Variants in SLC35F4 observed in about 807,000 individuals in gnomAD.
SLC35F4 encodes the protein chromosome 14 open reading frame 36.
In SLC35F4, 24 loss-of-function variants were observed where a neutral mutation model predicts 44.2. The observed-to-expected ratio is 0.54, with a 90% CI of 0.39 to 0.76. The LOEUF is 0.76. Ranked by LOEUF, SLC35F4 falls within the 30% of genes least tolerant of loss-of-function variation. The pLI, the probability that SLC35F4 is intolerant of heterozygous loss-of-function variation, is 0.00. For missense variants in SLC35F4, 562 were observed against 586.1 expected, an observed-to-expected ratio of 0.96 and a Z score of 0.42; for synonymous variants, 238 against 223.6, an observed-to-expected ratio of 1.06 and a Z score of -0.57.
intron 1 of SLC35F4, among the ~76,000 whole-genome samples, chr14:57,744,245 G>A (rs917671159): frequency 2.6e-5 from 4 of 152,170 alleles, no homozygotes; most frequent in Non-Finnish European, 5.9e-5. Flanking sequence ...GCAGGAGAAA[G>A]AAATAAAGGG....
intron 1 of SLC35F4, among the ~76,000 whole-genome samples, chr14:57,807,938 T>G (rs540530517): frequency 1.3e-5 from 2 of 151,908 alleles, no homozygotes; most frequent in East Asian, 3.9e-4. Context: ...ATGTTTTACA[T>G]GGTGGCAGGC....
At chr14:57,947,265 G>GGTTT (rs1463818058) in intron 1 of SLC35F4, among the ~76,000 whole-genome samples, 1 of 132,832 alleles carries the variant, frequency 7.5e-6, no homozygotes, top group African/African-American at 2.7e-5. Context: ...TTTTTTTTTT[G>GGTTT]GTTTGTTTGT....
chr14:57,775,185 C>T (rs1005165532), intron 1 of SLC35F4, among the ~76,000 whole-genome samples: 13 of 152,324 alleles, frequency 8.5e-5, no homozygotes, highest in Admixed American at 4.6e-4. Context: ...CAGTAGCAGG[C>T]GGGGATGCCA....
chr14:57,975,896 A>T (rs1291550525), downstream of SLC35F4, among the ~76,000 whole-genome samples: 1 of 152,232 alleles, frequency 6.6e-6, no homozygotes, highest in Non-Finnish European at 1.5e-5. Context: ...TCATTATCAT[A>T]CTGGTCAGCA....
intron 1 of SLC35F4, among the ~76,000 whole-genome samples, chr14:57,965,734 C>T (rs1890427317): frequency 6.6e-6 from 1 of 152,114 alleles, no homozygotes; most frequent in African/African-American, 2.4e-5. Flanking sequence ...CTAATGGGGA[C>T]CCAATGCTTA....
At chr14:57,633,065 T>C (rs1292272057) in intron 1 of SLC35F4, among the ~76,000 whole-genome samples, 5 of 152,162 alleles carry the variant, frequency 3.3e-5, no homozygotes, top group African/African-American at 1.2e-4. Context: ...CATAATCTGA[T>C]AGCTCATTTA....
At chr14:57,639,339 T>A (rs2073134771) in intron 1 of SLC35F4, among the ~76,000 whole-genome samples, 1 of 152,054 alleles carries the variant, frequency 6.6e-6, no homozygotes, top group African/African-American at 2.4e-5. Context: ...CATTTTCTCA[T>A]CTTCTTATAA....
chr14:57,576,189 T>G (rs1444376550), intron 4 of SLC35F4, among the ~76,000 whole-genome samples: 1 of 152,174 alleles, frequency 6.6e-6, no homozygotes, highest in Non-Finnish European at 1.5e-5. Context: ...GAACCTTTAG[T>G]TGCTTCTCTT....
intron 1 of SLC35F4, among the ~76,000 whole-genome samples, chr14:57,788,467 C>G (rs1315860960): frequency 6.6e-6 from 1 of 152,122 alleles, no homozygotes; most frequent in African/African-American, 2.4e-5. Context: ...AATACACATT[C>G]TATTAAACAG....
At chr14:57,599,801 T>TG (rs1170831351) in intron 1 of SLC35F4, among the ~76,000 whole-genome samples, 5 of 68,514 alleles carry the variant, frequency 7.3e-5, no homozygotes, top group South Asian at 4.7e-4. Flanking sequence ...GACTCTGTCT[T>TG]GAAAAAAAAA....
At chr14:57,664,321 A>C (rs2074236801) in intron 1 of SLC35F4, among the ~76,000 whole-genome samples, 1 of 152,140 alleles carries the variant, frequency 6.6e-6, no homozygotes, top group African/African-American at 2.4e-5. Flanking sequence ...TAGCATTGTT[A>C]TTTGTTACCA....
At chr14:57,931,849 T>C (rs1889703062) in intron 1 of SLC35F4, among the ~76,000 whole-genome samples, 1 of 152,192 alleles carries the variant, frequency 6.6e-6, no homozygotes, top group Non-Finnish European at 1.5e-5. Flanking sequence ...TAGTTCAAGC[T>C]TGGGATAACA....
At chr14:57,576,993 A>AAGAT (rs775832920) in intron 4 of SLC35F4, among the ~76,000 whole-genome samples, 16 of 152,140 alleles carry the variant, frequency 1.1e-4, no homozygotes, top group Non-Finnish European at 2.1e-4. Context: ...TTGTCCTGCC[A>AAGAT]AGATAGGGGT....
chr14:57,685,524 T>C (rs952337567), intron 1 of SLC35F4, among the ~76,000 whole-genome samples: 1 of 152,196 alleles, frequency 6.6e-6, no homozygotes, highest in African/African-American at 2.4e-5. Flanking sequence ...TATTACCTTT[T>C]TTCAGTTAAT....
chr14:57,797,067 C>T (rs1199646788), intron 1 of SLC35F4, among the ~76,000 whole-genome samples: 2 of 152,124 alleles, frequency 1.3e-5, no homozygotes, highest in African/African-American at 4.8e-5. Flanking sequence ...AGAAGCATGC[C>T]CCAAAATGCA....
intron 1 of SLC35F4, among the ~76,000 whole-genome samples, chr14:57,635,462 T>C (rs906046746): frequency 2.6e-5 from 4 of 152,056 alleles, no homozygotes; most frequent in African/African-American, 4.8e-5. Flanking sequence ...CATTAGACTG[T>C]GCAGTCTGTT....
rs117857473 is a variant in SLC35F4, at chr14:57,922,369, T to C, written n.282+59544A>G. On this transcript the variant is annotated intron_variant and non_coding_transcript_variant, in intron 1 of 1. Transcript: ENST00000556568. Reference sequence around the variant, plus strand: ...ACCCAAAGAAGACACCATTAACCAATTATAGAACTCTGTTCAACCTAGTAA... The same window carrying C: ...ACCCAAAGAAGACACCATTAACCAACTATAGAACTCTGTTCAACCTAGTAA... Among the ~76,000 whole-genome samples the C allele has an allele frequency of 1.4e-3, 206 of 152,234 alleles. 2 individuals carry two copies. In the Middle Eastern group the frequency reaches 0.034, roughly 25 times the overall value.
intron 1 of SLC35F4, among the ~76,000 whole-genome samples, chr14:57,608,521 C>T (rs796361178): frequency 6.6e-6 from 1 of 152,138 alleles, no homozygotes; most frequent in Non-Finnish European, 1.5e-5. Flanking sequence ...CTCCCACAGG[C>T]CTCAGAAGAA....
chr14:57,641,962 T>C (rs968939535), intron 1 of SLC35F4, among the ~76,000 whole-genome samples: 2 of 152,056 alleles, frequency 1.3e-5, no homozygotes, highest in Non-Finnish European at 2.9e-5. Flanking sequence ...GGATGTACTA[T>C]TGGGGATTGC....
Sources: gnomAD v4.1 joint callset for allele counts (sites outside exome capture counted in the v4.1 genomes callset) on GRCh38, gnomAD v4.1.1 for gene constraint, MANE v1.5 for transcripts, NCBI Gene and HGNC (gene_info 2026-07-23, HGNC 2026-07-21) for gene names.